INO80D: variants seen among roughly 807,000 people sequenced by gnomAD.
INO80D encodes the protein INO80 complex subunit D.
Under a neutral mutation model 87.6 loss-of-function variants are expected in INO80D, and 21 were observed. The observed-to-expected ratio is 0.24, with a 90% CI of 0.17 to 0.35. The LOEUF (loss-of-function observed/expected upper bound fraction) is 0.35, where lower values mean the gene tolerates loss of function less well. Ranked by LOEUF, INO80D falls within the 10% of genes least tolerant of loss-of-function variation. INO80D has a pLI of 1.00. For synonymous variants in INO80D, 440 were observed against 491.0 expected, an observed-to-expected ratio of 0.90 and a Z score of 1.37; for missense variants, 982 against 1,280.7, an observed-to-expected ratio of 0.77 and a Z score of 3.56.
intron 6 of INO80D, among the ~76,000 whole-genome samples, chr2:206,022,921 G>T (rs1339676941): frequency 3.9e-5 from 6 of 152,140 alleles, no homozygotes; most frequent in Non-Finnish European, 8.8e-5. Flanking sequence ...GATCCAGGCC[G>T]GGCGCAGTGG....
chr2:206,074,469 C>T (rs748929881), intron 1 of INO80D, among the ~76,000 whole-genome samples: 1 of 152,080 alleles, frequency 6.6e-6, no homozygotes, highest in African/African-American at 2.4e-5. Flanking sequence ...AAAAATTAGC[C>T]GGGCATGATT....
intron 1 of INO80D, among the ~76,000 whole-genome samples, chr2:206,067,464 G>C (rs191860184): frequency 5.3e-5 from 8 of 152,134 alleles, no homozygotes; most frequent in Admixed American, 5.2e-4. Flanking sequence ...GGAGGATATT[G>C]AATGTTTCCA....
chr2:206,075,720 G>GGTACCA (rs1690098865), intron 1 of INO80D, among the ~76,000 whole-genome samples: 1 of 151,412 alleles, frequency 6.6e-6, no homozygotes, highest in African/African-American at 2.4e-5. Context: ...TTACAGGAAT[G>GGTACCA]AGCCACCGTG....
rs1312092049 is a variant in INO80D at position 205,996,866 on chromosome 2, A to C, written c.*7502T>G. The C allele has an allele frequency of 2.0e-5, 3 of 152,048 alleles. No individual in the cohort carries two copies. Among genetic ancestry groups the C allele is most frequent in the Non-Finnish European group, 4.4e-5 (3 of 67,954 alleles). The allele number at this position is 152,048 out of a possible 1,614,324, so 9.4% of individuals were successfully genotyped here. On this transcript the variant is annotated 3_prime_UTR_variant, in exon 11 of 11. Transcript: ENST00000403263. ...CTGAAGGGAGAAATGGCACCAGTAC[A>C]AACTCCCTTCTTTCATTTGCATGCA... is the stretch of plus-strand genomic sequence containing the variant.
At chr2:206,068,504 T>C (rs1262206258) in intron 1 of INO80D, among the ~76,000 whole-genome samples, 1 of 152,158 alleles carries the variant, frequency 6.6e-6, no homozygotes, top group Non-Finnish European at 1.5e-5. Flanking sequence ...AACACAGCCA[T>C]GCTCATTCAT....
intron 3 of INO80D, among the ~76,000 whole-genome samples, chr2:206,061,258 G>A (rs560490750): frequency 1.3e-3 from 192 of 151,102 alleles, no homozygotes; most frequent in African/African-American, 4.5e-3. Flanking sequence ...GCGATCCACC[G>A]CCTTAGCCTC....
At chr2:206,025,809 T>C (rs2105829377) in intron 6 of INO80D, 1 of 152,156 alleles carries the variant, frequency 6.6e-6, no homozygotes, top group South Asian at 2.1e-4. Flanking sequence ...GCCACTGAAT[T>C]CCAGCCTGGG....
At position 206,007,396 on chromosome 2, in the gene INO80D, G is replaced by A; in HGVS notation, c.1806C>T (p.Asp602=). The change falls in exon 10 of 11, where the codon GAC becomes GAT. Residue 602 remains aspartate, a synonymous_variant. Transcript: ENST00000403263. The part of the protein sequence containing the change: ...PELSADELPD[D]IANEITDIPH... The stretch of plus-strand genomic sequence containing the variant: ...GAATGTCAGTGATCTCATTGGCAAT[G>A]TCATCCGGCAACTCATCAGCACTCA... 1 of 1,613,716 alleles carries A rather than the reference G, an allele frequency of 6.2e-7. No homozygotes were observed. The highest frequency in any genetic ancestry group is 8.5e-7 in the Non-Finnish European group (1 of 1,179,814).
At chr2:206,021,109 T>C (rs973130597) in intron 6 of INO80D, among the ~76,000 whole-genome samples, 1 of 152,194 alleles carries the variant, frequency 6.6e-6, no homozygotes, top group Non-Finnish European at 1.5e-5. Context: ...ATTAGGCCTT[T>C]ACAAGTCTGA....
intron 6 of INO80D, among the ~76,000 whole-genome samples, chr2:206,027,552 T>G (rs1575818652): frequency 1.3e-5 from 2 of 152,030 alleles, no homozygotes; most frequent in African/African-American, 4.8e-5. Flanking sequence ...AAAATTTTTT[T>G]AATTAGCTGG....
intron 6 of INO80D, among the ~76,000 whole-genome samples, chr2:206,022,098 G>A (rs1688479924): frequency 6.6e-6 from 1 of 151,798 alleles, no homozygotes; most frequent in Non-Finnish European, 1.5e-5. Context: ...CAGACACAGT[G>A]GCTCACCCAG....
At position 206,009,655 on chromosome 2, in the gene INO80D, G is replaced by A; in HGVS notation, c.1682C>T (p.Pro561Leu). The change falls in exon 9 of 11, where the codon CCC (proline) becomes CTC (leucine). Residue 561 changes from proline (P) to leucine (L), a missense_variant. By Grantham distance (98) the Pro-to-Leu change is moderately conservative. Transcript: ENST00000403263. ...RRRGPRRPQK[P>L]IPPAVPQGNL... The stretch of plus-strand genomic sequence containing the variant: ...CCCTTGGGGGACTGCAGGTGGAATG[G>A]GTTTTTGGGGTCGACGAGGTCCACG... 6.2e-7 allele frequency: 1 copy of A among 1,613,988 alleles called. No individual in the cohort carries two copies. Among genetic ancestry groups the A allele is most frequent in the Non-Finnish European group, 8.5e-7 (1 of 1,179,896 alleles).
intron 6 of INO80D, chr2:206,025,542 A>ATATATATATATATATATATATATAT (rs1553616187): frequency 1.3e-5 from 1 of 76,936 alleles, no homozygotes; most frequent in African/African-American, 4.4e-5. Context: ...AAAAAAAAAA[A>ATATATATATATATATATATATATAT]ATATATATAT....
At chr2:206,033,092 C>T (rs746632326) in intron 5 of INO80D, among the ~76,000 whole-genome samples, 17 of 152,186 alleles carry the variant, frequency 1.1e-4, no homozygotes, top group Non-Finnish European at 2.2e-4. Context: ...TCAGGAGACT[C>T]ACCTAACATA....
Position 206,004,641 on chromosome 2 carries a change from C to A in INO80D, c.2811G>T (p.Val937=). 1 of 1,613,532 alleles carries A rather than the reference C, an allele frequency of 6.2e-7. No individual in the cohort carries two copies. The change falls in exon 11 of 11, where the codon GTG becomes GTT. Residue 937 remains valine, a synonymous_variant. Coordinates refer to ENST00000403263, the MANE Select transcript of INO80D (RefSeq NM_017759.5). This position sits in a 1 kb window ranked among gnomAD's most constrained non-coding sequence, Gnocchi z 4.9. ...GAAGCACACTGGAGCTGCTGGGGGT[C>A]ACGGTGGCGAAGGCAGGCTGTGTGG... ...SETTQPAFAT[V]TPSSSSVLPG...
intron 6 of INO80D, among the ~76,000 whole-genome samples, chr2:206,025,074 C>T (rs1688568129): frequency 6.6e-6 from 1 of 151,734 alleles, no homozygotes; most frequent in African/African-American, 2.4e-5. Flanking sequence ...GTTTTAAAAC[C>T]CTTTTTTTCC....
chr2:206,014,545 C>T (rs1174274142), intron 8 of INO80D, among the ~76,000 whole-genome samples: 2 of 152,134 alleles, frequency 1.3e-5, no homozygotes, highest in East Asian at 3.8e-4. Context: ...CTGCCACCAT[C>T]CATGTGAGAT....
chr2:206,014,991 G>A (rs1559433925), intron 8 of INO80D, among the ~76,000 whole-genome samples: 1 of 152,206 alleles, frequency 6.6e-6, no homozygotes, highest in Admixed American at 6.5e-5. Context: ...CAAAGAGACT[G>A]GCAACATTTT....
chr2:206,022,718 T>C (rs537538420), intron 6 of INO80D, among the ~76,000 whole-genome samples: 24 of 152,286 alleles, frequency 1.6e-4, no homozygotes, highest in South Asian at 4.1e-4. Flanking sequence ...ATACAAACTA[T>C]ATTTTATTTT....
Sources: gnomAD v4.1 joint callset for allele counts (sites outside exome capture counted in the v4.1 genomes callset) on GRCh38, gnomAD v4.1.1 for gene constraint, Gnocchi (gnomAD v3.1) non-coding constraint, MANE v1.5 for transcripts, NCBI Gene and HGNC (gene_info 2026-07-23, HGNC 2026-07-21) for gene names.